The following KIF26B variants were observed in gnomAD, a reference collection of about 807,000 sequenced individuals.
The protein encoded by KIF26B is kinesin-like protein KIF26B.
In KIF26B, 63 loss-of-function variants were observed where a neutral mutation model predicts 151.2. The observed-to-expected ratio is 0.42, with a 90% CI of 0.34 to 0.51. The LOEUF (loss-of-function observed/expected upper bound fraction) is 0.51. Among genes scored for constraint, KIF26B ranks in the 20% least tolerant of loss-of-function variants. KIF26B has a pLI of 0.07. For missense variants in KIF26B, 2,813 were observed against 2,913.6 expected (o/e 0.97, Z 0.79); for synonymous variants, 1,357 against 1,262.1 (o/e 1.08, Z -1.59).
chr1:245,556,707 G>GTTT (rs1558213420), intron 5 of KIF26B, among the ~76,000 whole-genome samples: 3 of 88,822 alleles, frequency 3.4e-5, no homozygotes, highest in South Asian at 3.8e-4. Flanking sequence ...TGGTGTTTTT[G>GTTT]TTGTTGTTGT....
intron 4 of KIF26B, among the ~76,000 whole-genome samples, chr1:245,460,173 G>T (rs1392917130): frequency 1.3e-5 from 2 of 152,116 alleles, no homozygotes; most frequent in African/African-American, 4.8e-5. Flanking sequence ...CACCATGTTG[G>T]TCGGGCTGTC....
At chr1:245,390,921 C>CAAA (rs796799193) in intron 3 of KIF26B, among the ~76,000 whole-genome samples, 370 of 13,296 alleles carry the variant, frequency 0.028, 33 homozygotes, top group East Asian at 0.036. Flanking sequence ...GACCCTGTCT[C>CAAA]AAAAAAAAAA....
chr1:245,678,334 A>G (rs979818058), intron 10 of KIF26B, among the ~76,000 whole-genome samples: 9 of 151,948 alleles, frequency 5.9e-5, no homozygotes, highest in Non-Finnish European at 1.0e-4. Flanking sequence ...ATCCTCATCC[A>G]GCATCTCCAT....
At position 245,375,413 on chromosome 1, in the gene KIF26B, G is replaced by A. The variant is rs1013266218; in HGVS notation, c.999+8046G>A. Among the ~76,000 whole-genome samples the A allele has an allele frequency of 1.3e-5, 2 of 152,120 alleles. No individual in the cohort carries two copies. The highest frequency in any genetic ancestry group is 1.3e-4 in the Admixed American group (2 of 15,278). ...TTTAGACTATCTGGGTGGACTCAAT[G>A]TAATTACAAGGATCCTTAAAGAGGA... On this transcript the variant is annotated intron_variant, in intron 3 of 14. Transcript: ENST00000407071. The surrounding 1 kb of genome is among the most constrained non-coding windows in gnomAD (Gnocchi z 4.2).
At chr1:245,327,974 ACACTTAGCCAGTGTGAAGGGAAGAGTCTG>A (rs1272434988) in intron 2 of KIF26B, among the ~76,000 whole-genome samples, 2 of 152,148 alleles carry the variant, frequency 1.3e-5, no homozygotes, top group African/African-American at 4.8e-5. Flanking sequence ...ATGCCAATCC[ACACTTAGCCAGTGTGAAGGGAAGAGTCTG>A]CACTTAGCCA....
At position 245,311,991 on chromosome 1, in the gene KIF26B, G is replaced by A. The variant is rs1259597143; in HGVS notation, c.466-54843G>A. Among the ~76,000 whole-genome samples the A allele has an allele frequency of 2.6e-5, 4 of 152,164 alleles. No homozygotes were observed. In the South Asian group the frequency reaches 8.3e-4, roughly 32 times the overall value. On this transcript the variant is annotated intron_variant, in intron 2 of 14. Transcript: ENST00000407071. Reference sequence around the variant, plus strand: ...ATCAGCCACGCTGAATTGAGGTGAGGTTTTATGCATATCAGATTGAAGACC... The same window carrying A: ...ATCAGCCACGCTGAATTGAGGTGAGATTTTATGCATATCAGATTGAAGACC...
chr1:245,687,787 C>A lies in KIF26B; in HGVS notation c.4804C>A (p.Arg1602=). The A allele has an allele frequency of 6.3e-7, 1 of 1,587,210 alleles. No individual in the cohort carries two copies. Residue 1602 remains arginine, a synonymous_variant, in exon 12 of 15, where the codon CGA becomes AGA. Transcript: ENST00000407071. The surrounding 1 kb of genome is among the most constrained non-coding windows in gnomAD (Gnocchi z 4.9). The stretch of plus-strand genomic sequence containing the variant: ...AGGGACTCCCCCTCTGCCCCCTGTC[C>A]GAAAGTCCAGCCTGGACCAGAAGAA... ...PKGTPPLPPV[R]KSSLDQKNRA...
chr1:245,253,873 G>A (rs576717223), intron 2 of KIF26B, among the ~76,000 whole-genome samples: 4 of 135,858 alleles, frequency 2.9e-5, no homozygotes, highest in Admixed American at 8.2e-5. Flanking sequence ...GCAGTGGCGC[G>A]ATCCCTGCTC....
At chr1:245,355,981 C>T (rs1008767102) in intron 2 of KIF26B, among the ~76,000 whole-genome samples, 4 of 152,150 alleles carry the variant, frequency 2.6e-5, no homozygotes, top group South Asian at 2.1e-4. Context: ...CACACCACAC[C>T]GTCACCTGGG....
intron 5 of KIF26B, among the ~76,000 whole-genome samples, chr1:245,587,619 G>A (rs1000774821): frequency 1.3e-5 from 2 of 152,172 alleles, no homozygotes; most frequent in Admixed American, 6.5e-5. Flanking sequence ...CTCAATTAGG[G>A]AACAGCAGCT....
chr1:245,482,225 G>A (rs978534265), intron 4 of KIF26B, among the ~76,000 whole-genome samples: 2 of 151,704 alleles, frequency 1.3e-5, no homozygotes, highest in Non-Finnish European at 2.9e-5. Context: ...CCTAGTAGCT[G>A]GGACTGCAGG....
At chr1:245,543,687 C>T (rs1026043283) in intron 5 of KIF26B, among the ~76,000 whole-genome samples, 8 of 152,138 alleles carry the variant, frequency 5.3e-5, no homozygotes, top group Admixed American at 3.9e-4. Flanking sequence ...CGGTGGCTCA[C>T]GCCTGTAATC....
At chr1:245,681,117 C>T (rs2044430365) in intron 10 of KIF26B, among the ~76,000 whole-genome samples, 1 of 151,966 alleles carries the variant, frequency 6.6e-6, no homozygotes, top group African/African-American at 2.4e-5. Context: ...ATCAAGAATA[C>T]ACACACCCAG....
chr1:245,480,275 G>C (rs568491605), intron 4 of KIF26B, among the ~76,000 whole-genome samples: 1 of 106,198 alleles, frequency 9.4e-6, no homozygotes, highest in Non-Finnish European at 2.0e-5. Flanking sequence ...ACCCTGTCTC[G>C]GGGGGGAGGA....
chr1:245,636,597 C>T (rs1486731081), intron 9 of KIF26B, among the ~76,000 whole-genome samples: 1 of 151,868 alleles, frequency 6.6e-6, no homozygotes, highest in African/African-American at 2.4e-5. Context: ...AAACTCATTC[C>T]TTTTATCTAA....
At chr1:245,276,595 T>G (rs1670943623) in intron 2 of KIF26B, among the ~76,000 whole-genome samples, 1 of 152,140 alleles carries the variant, frequency 6.6e-6, no homozygotes, top group Admixed American at 6.5e-5. Flanking sequence ...TATGATCCAG[T>G]CTACTCTTCC....
intron 12 of KIF26B, among the ~76,000 whole-genome samples, chr1:245,690,508 A>G (rs2044610077): frequency 3.3e-5 from 5 of 152,214 alleles, no homozygotes; most frequent in Admixed American, 3.3e-4. Context: ...AAACTCTGGA[A>G]TGTTCCAAAT....
At position 245,540,913 on chromosome 1, in the gene KIF26B, C is replaced by T; in HGVS notation, c.1313C>T (p.Ala438Val). 1 of 1,613,894 alleles carries T rather than the reference C, an allele frequency of 6.2e-7. No homozygotes were observed. Among genetic ancestry groups the T allele is most frequent in the Non-Finnish European group, 8.5e-7 (1 of 1,179,826 alleles). Residue 438 changes from alanine (A) to valine (V), a missense_variant, in exon 5 of 15, where the codon GCT becomes GTT. By Grantham distance (64) the Ala-to-Val change is moderately conservative. This residue lies in a region of KIF26B where 676 missense variants were observed against 688.1 expected (regional missense o/e 0.98). Transcript: ENST00000407071. This position sits in a 1 kb window ranked among gnomAD's most constrained non-coding sequence, Gnocchi z 4.6. ...CCAGCCCCACCCTGCCTGCTGAGGGCTGTCAACAAGGTGAAGGACACCCCG... is the reference window on the plus strand; with the variant it reads ...CCAGCCCCACCCTGCCTGCTGAGGGTTGTCAACAAGGTGAAGGACACCCCG... ...PPPAPPCLLR[A>V]VNKVKDTPGL...
chr1:245,290,000 G>T (rs770785965), intron 2 of KIF26B, among the ~76,000 whole-genome samples: 2 of 151,992 alleles, frequency 1.3e-5, no homozygotes, highest in African/African-American at 2.4e-5. Context: ...CCTTCCTCCA[G>T]CTCTGTTAGG....
Sources: allele counts gnomAD v4.1 joint callset (sites outside exome capture counted in the v4.1 genomes callset), GRCh38; gene constraint gnomAD v4.1.1; regional missense constraint gnomAD v4.1.1; non-coding constraint Gnocchi (gnomAD v3.1); transcripts MANE v1.5; gene names NCBI Gene and HGNC (gene_info 2026-07-23, HGNC 2026-07-21).